SH3PXD2A: variants seen among roughly 807,000 people sequenced by gnomAD.
The protein encoded by SH3PXD2A is SH3 and PX domains 2A, also known as SH3 and PX domain-containing protein 2A.
Under a neutral mutation model 115.2 loss-of-function variants are expected in SH3PXD2A, and 32 were observed. The ratio of observed to expected loss-of-function variants is 0.28; its 90% CI spans 0.21 to 0.37. SH3PXD2A has a LOEUF of 0.37. Among genes scored for constraint, SH3PXD2A ranks in the 10% least tolerant of loss-of-function variants. The pLI, the probability that SH3PXD2A is intolerant of heterozygous loss-of-function variation, is 1.00. For synonymous variants in SH3PXD2A, 610 were observed against 629.1 expected (o/e 0.97, Z 0.45); for missense variants, 1,328 against 1,498.7 (o/e 0.89, Z 1.88).
chr10:103,850,799 T>C (rs935590964), intron 1 of SH3PXD2A, among the ~76,000 whole-genome samples: 1 of 152,178 alleles, frequency 6.6e-6, no homozygotes, highest in Admixed American at 6.5e-5. Context: ...TTCTCTCAGA[T>C]TGACCGATTG....
intron 3 of SH3PXD2A, among the ~76,000 whole-genome samples, chr10:103,764,488 GACA>G (rs2038733745): frequency 6.6e-6 from 1 of 152,128 alleles, no homozygotes; most frequent in South Asian, 2.1e-4. Context: ...CACTCCTCCT[GACA>G]ACATCACCCG....
chr10:103,626,552 G>A (rs1452523052), intron 9 of SH3PXD2A, among the ~76,000 whole-genome samples: 1 of 150,756 alleles, frequency 6.6e-6, no homozygotes, highest in East Asian at 2.0e-4. Context: ...TCTTTGAAAT[G>A]CAAGGAGAAA....
Position 103,601,841 on chromosome 10 carries a change from G to A in SH3PXD2A, c.3377C>T (p.Ser1126Phe), listed in dbSNP as rs1291642030. The change falls in exon 15 of 15, where the codon TCC becomes TTC. Residue 1126 changes from serine to phenylalanine, a missense_variant. By Grantham distance (155) the Ser-to-Phe change is radical (BLOSUM62 -2). Transcript: ENST00000369774. ...GVKPFKGWVP[S>F]NYLEKKN ...CTAGTTCTTTTTCTCAAGGTAGTTGGAAGGCACCCAGCCTTTGAAGGGCTT... is the reference window on the plus strand; with the variant it reads ...CTAGTTCTTTTTCTCAAGGTAGTTGAAAGGCACCCAGCCTTTGAAGGGCTT... The A allele has an allele frequency of 6.2e-7, 1 of 1,609,040 alleles. No homozygotes were observed. Among genetic ancestry groups the A allele is most frequent in the Admixed American group, 1.7e-5 (1 of 59,414 alleles).
intron 3 of SH3PXD2A, among the ~76,000 whole-genome samples, chr10:103,760,010 T>C (rs909798080): frequency 4.6e-5 from 7 of 152,244 alleles, no homozygotes; most frequent in African/African-American, 1.7e-4. Context: ...GGATGATCTT[T>C]TCAAAGGTGC....
At chr10:103,615,487 T>C (rs1242015452) in intron 11 of SH3PXD2A, among the ~76,000 whole-genome samples, 1 of 46,128 alleles carries the variant, frequency 2.2e-5, no homozygotes, top group Non-Finnish European at 4.5e-5. Flanking sequence ...TGCGAGGGTG[T>C]GTGTGTGTGT....
At chr10:103,713,693 C>T (rs2038071782) in intron 5 of SH3PXD2A, among the ~76,000 whole-genome samples, 1 of 152,212 alleles carries the variant, frequency 6.6e-6, no homozygotes, top group Non-Finnish European at 1.5e-5. Flanking sequence ...GCACCTATTA[C>T]AATCAGTTGT....
At position 103,702,333 on chromosome 10, in the gene SH3PXD2A, C is replaced by T. The variant is rs868553238; in HGVS notation, c.399-9277G>A. Among the ~76,000 whole-genome samples the T allele has an allele frequency of 9.2e-5, 14 of 152,188 alleles. No individual in the cohort carries two copies. In the East Asian group the frequency reaches 1.7e-3, roughly 19 times the overall value. On this transcript the variant is annotated intron_variant, in intron 5 of 14. Coordinates refer to ENST00000369774, the MANE Select transcript of SH3PXD2A (RefSeq NM_001394015.1). ...GCTGGAAAGAGATGGCAAACACCCA[C>T]GAAAAGACAACATACAAGTTCCCTT...
intron 3 of SH3PXD2A, among the ~76,000 whole-genome samples, chr10:103,739,578 G>C (rs1190498021): frequency 6.6e-6 from 1 of 152,144 alleles, no homozygotes; most frequent in Admixed American, 6.5e-5. Context: ...AGAAAAAGGA[G>C]GGGGAGGAAA....
chr10:103,670,441 C>T (rs1033745147), intron 6 of SH3PXD2A, among the ~76,000 whole-genome samples: 1 of 152,136 alleles, frequency 6.6e-6, no homozygotes, highest in Non-Finnish European at 1.5e-5. Context: ...AATGGTTAGC[C>T]GCCACTGGCA....
At chr10:103,656,948 G>A (rs982936830) in intron 8 of SH3PXD2A, among the ~76,000 whole-genome samples, 35 of 151,850 alleles carry the variant, frequency 2.3e-4, no homozygotes, top group Admixed American at 1.8e-3. Flanking sequence ...TCACCCCTGG[G>A]TTTGGTGAGA....
rs1242521341 is a variant in SH3PXD2A, at chr10:103,603,252, T to A, written c.1966A>T (p.Asn656Tyr). 6.2e-7 allele frequency: 1 copy of A among 1,613,890 alleles called. No homozygotes were observed. The highest frequency in any genetic ancestry group is 8.5e-7 in the Non-Finnish European group (1 of 1,179,984). Residue 656 changes from asparagine to tyrosine, a missense_variant, in exon 15 of 15, where the codon AAC becomes TAC. Asn to Tyr is a moderately radical substitution (Grantham distance 143, BLOSUM62 -2). Transcript: ENST00000369774. ...GSSSLSLTRK[N>Y]SPKSGSPKSS... ...TTGGGGGAGCCTGATTTGGGGGAGT[T>A]TTTCCTGGTCAGGGACAGCGAGGAG...
At chr10:103,629,740 C>G (rs1464234370) in intron 8 of SH3PXD2A, among the ~76,000 whole-genome samples, 2 of 152,184 alleles carry the variant, frequency 1.3e-5, no homozygotes, top group African/African-American at 4.8e-5. Flanking sequence ...TCCCTTGACC[C>G]AGGAAAAGCC....
intron 2 of SH3PXD2A, among the ~76,000 whole-genome samples, chr10:103,792,805 A>C (rs1306872745): frequency 2.0e-5 from 3 of 152,190 alleles, no homozygotes; most frequent in African/African-American, 7.2e-5. Flanking sequence ...GCAGATTTTG[A>C]GTAATATCTG....
At chr10:103,668,999 T>C (rs1332089441) in intron 6 of SH3PXD2A, among the ~76,000 whole-genome samples, 1 of 152,224 alleles carries the variant, frequency 6.6e-6, no homozygotes, top group Non-Finnish European at 1.5e-5. Context: ...CCTTCCTTTC[T>C]GGCCATGTGG....
chr10:103,647,226 T>G (rs1220618515), intron 8 of SH3PXD2A, among the ~76,000 whole-genome samples: 1 of 152,184 alleles, frequency 6.6e-6, no homozygotes, highest in Non-Finnish European at 1.5e-5. Context: ...GCTCCCCAGC[T>G]CTGGCATAGC....
chr10:103,760,575 G>GAT (rs34358225), intron 3 of SH3PXD2A, among the ~76,000 whole-genome samples: 52,753 of 149,804 alleles, frequency 0.35, 10,020 homozygotes, highest in East Asian at 0.62. Flanking sequence ...GTCTCAAAAA[G>GAT]ATATATATAT....
At chr10:103,723,965 C>A (rs887593802) in intron 5 of SH3PXD2A, among the ~76,000 whole-genome samples, 1 of 152,174 alleles carries the variant, frequency 6.6e-6, no homozygotes, top group Non-Finnish European at 1.5e-5. Flanking sequence ...ATTATATTTT[C>A]TGTTATCTCA....
In SH3PXD2A at chr10:103,602,371, G is replaced by T; in HGVS notation, c.2847C>A (p.Ile949=). The T allele has an allele frequency of 6.2e-7, 1 of 1,613,850 alleles. No individual in the cohort carries two copies. Residue 949 remains isoleucine, a synonymous_variant, in exon 15 of 15, where the codon ATC becomes ATA. Transcript: ENST00000369774. ...VNQSKKATPP[I]PSKPPGGFGK... is the part of the protein sequence containing the mutation. ...CGAAGCCCCCGGGAGGTTTGGAGGG[G>T]ATGGGGGGCGTGGCCTTCTTGCTCT...
At chr10:103,819,700 G>A (rs1048903956) in intron 1 of SH3PXD2A, among the ~76,000 whole-genome samples, 2 of 152,120 alleles carry the variant, frequency 1.3e-5, no homozygotes, top group African/African-American at 4.8e-5. Flanking sequence ...TCTAAGGGCT[G>A]AAGGAGGAAT....
Sources: allele counts gnomAD v4.1 joint callset (sites outside exome capture counted in the v4.1 genomes callset), GRCh38; gene constraint gnomAD v4.1.1; transcripts MANE v1.5; gene names NCBI Gene and HGNC (gene_info 2026-07-23, HGNC 2026-07-21).